The following TBCK variants were observed in gnomAD, a reference collection of about 807,000 sequenced individuals.
The protein encoded by TBCK is TBC1 domain containing kinase, also known as TBC domain-containing protein kinase-like protein.
Under a neutral mutation model 113.4 loss-of-function variants are expected in TBCK, and 99 were observed. The observed-to-expected ratio is 0.87, with a 90% CI of 0.74 to 1.03. TBCK has a LOEUF of 1.03. Ranked by LOEUF, TBCK falls within the 50% of genes least tolerant of loss-of-function variation. TBCK has a pLI of 0.00. For synonymous variants in TBCK, 369 were observed against 370.8 expected (o/e 1.00, Z 0.05); for missense variants, 1,045 against 1,061.3 (o/e 0.98, Z 0.21).
intron 3 of TBCK, among the ~76,000 whole-genome samples, chr4:106,288,380 C>T (rs1765338013): frequency 6.6e-6 from 1 of 151,388 alleles, no homozygotes; most frequent in East Asian, 1.9e-4. Flanking sequence ...GGCGACAAAG[C>T]GAGACTCCGT....
At chr4:106,232,779 T>C (rs1015629598) in intron 17 of TBCK, among the ~76,000 whole-genome samples, 159 bp downstream of exon 17, 2 of 152,076 alleles carry the variant, frequency 1.3e-5, no homozygotes, top group Non-Finnish European at 2.9e-5. Context: ...CAAAGATTTT[T>C]AAAAATGTTT....
In TBCK at chr4:106,101,705, G is replaced by C. The variant is rs187092355; in HGVS notation, c.2412-6064C>G. Among the ~76,000 whole-genome samples, 3 of 152,090 alleles carry C rather than the reference G, an allele frequency of 2.0e-5. No individual in the cohort carries two copies. In the East Asian group the frequency reaches 5.8e-4, roughly 29 times the overall value. The stretch of plus-strand genomic sequence containing the variant: ...AGTTTTACAAGTAAAGCTCAGCCTT[G>C]AGCAAAAACTCAGCCTTGATTTCAA... On this transcript the variant is annotated intron_variant, in intron 24 of 25. Transcript: ENST00000394708.
intron 20 of TBCK, among the ~76,000 whole-genome samples, chr4:106,209,335 A>G (rs1459530210): frequency 6.6e-6 from 1 of 152,168 alleles, no homozygotes; most frequent in Non-Finnish European, 1.5e-5. Flanking sequence ...AGATTTAACA[A>G]GCATTAACAT....
chr4:106,287,082 G>A (rs941085125), intron 3 of TBCK, among the ~76,000 whole-genome samples: 5 of 152,094 alleles, frequency 3.3e-5, no homozygotes, highest in Non-Finnish European at 7.4e-5. Context: ...CTCTCTTTGT[G>A]GCTTATGGGG....
intron 20 of TBCK, among the ~76,000 whole-genome samples, chr4:106,202,226 A>G (rs1467965100): frequency 6.6e-6 from 1 of 152,010 alleles, no homozygotes; most frequent in African/African-American, 2.4e-5. Flanking sequence ...AAATAAAAAG[A>G]ATAGACTCCT....
chr4:106,231,847 T>G (rs1306493127), intron 17 of TBCK, 68 bp from the exon 18 acceptor site: 13 of 1,358,542 alleles, frequency 9.6e-6, no homozygotes, highest in Non-Finnish European at 1.3e-5. Context: ...GATATATACC[T>G]TATTCAATTC....
intron 25 of TBCK, among the ~76,000 whole-genome samples, chr4:106,066,508 A>T (rs1289940296): frequency 6.6e-6 from 1 of 152,014 alleles, no homozygotes; most frequent in Admixed American, 6.6e-5. Flanking sequence ...ACCTTATTTG[A>T]AAAAATTGAG....
rs1353748474 is a variant in TBCK at position 106,167,145 on chromosome 4, GAGAACTATATATAT to G, written c.2235+3936_2235+3949del. Among the ~76,000 whole-genome samples the G allele has an allele frequency of 2.9e-4, 43 of 146,710 alleles. 1 individual carries two copies. Among genetic ancestry groups the G allele is most frequent in the Middle Eastern group, 3.6e-3 (1 of 276 alleles). ...ATATATATATATAGAGAGAGAGAGA[GAGAACTATATATAT>G]AGAACTGTATATATAGAACTGTATA... On this transcript the variant is annotated intron_variant, in intron 23 of 25. Coordinates refer to ENST00000394708, the MANE Select transcript of TBCK (RefSeq NM_001163435.3).
At chr4:106,110,828 CA>C (rs1742761490) in intron 24 of TBCK, among the ~76,000 whole-genome samples, 1 of 152,000 alleles carries the variant, frequency 6.6e-6, no homozygotes, top group South Asian at 2.1e-4. Flanking sequence ...GAAAAAATAA[CA>C]AAGAGGAAAT....
chr4:106,149,130 T>C (rs759728615), intron 23 of TBCK, among the ~76,000 whole-genome samples: 2 of 152,224 alleles, frequency 1.3e-5, no homozygotes, highest in Admixed American at 6.5e-5. Context: ...CAAAGAGAGT[T>C]AGGGCTTTGC....
At chr4:106,054,744 T>C (rs1435590673) in intron 25 of TBCK, among the ~76,000 whole-genome samples, 1 of 151,694 alleles carries the variant, frequency 6.6e-6, no homozygotes, top group East Asian at 1.9e-4. Flanking sequence ...TGTCAGGCAC[T>C]ATGCTAGGGA....
Position 106,244,716 on chromosome 4 carries a change from T to A in TBCK, c.980A>T (p.Tyr327Phe). Reference protein sequence around the residue: ...LAERSIEEVYYLWCLAGGDLE... With the variant: ...LAERSIEEVYFLWCLAGGDLE... ...GTCACCTCCAGCCAAACACCAAAGG[T>A]AATACACTTCTTCAATAGATCTTTC... The change falls in exon 11 of 26, where the codon TAC becomes TTC. Residue 327 changes from tyrosine to phenylalanine, a missense_variant. By Grantham distance (22) the Tyr-to-Phe change is conservative (BLOSUM62 3). Transcript: ENST00000394708. 6.2e-7 allele frequency: 1 copy of A among 1,605,492 alleles called. No homozygotes were observed.
chr4:106,297,314 T>A (rs951932188), intron 2 of TBCK, among the ~76,000 whole-genome samples: 5 of 152,172 alleles, frequency 3.3e-5, no homozygotes, highest in African/African-American at 1.2e-4. Context: ...TTAAAGTCTG[T>A]CCCCTTTAAT....
At chr4:106,260,998 T>C (rs796813121) in intron 4 of TBCK, among the ~76,000 whole-genome samples, 6 of 152,030 alleles carry the variant, frequency 3.9e-5, no homozygotes, top group Middle Eastern at 3.2e-3. Flanking sequence ...GTGAATCTGC[T>C]AGATTTTCAA....
At chr4:106,205,321 C>A (rs1279198089) in intron 20 of TBCK, among the ~76,000 whole-genome samples, 1 of 151,998 alleles carries the variant, frequency 6.6e-6, no homozygotes, top group African/African-American at 2.4e-5. Context: ...ATGACAAATT[C>A]ATGACACTAC....
chr4:106,223,858 A>G (rs1757959607), intron 19 of TBCK, among the ~76,000 whole-genome samples: 1 of 152,138 alleles, frequency 6.6e-6, no homozygotes, highest in African/African-American at 2.4e-5. Context: ...TATGGCTGAA[A>G]TGCTAATCAA....
intron 23 of TBCK, among the ~76,000 whole-genome samples, chr4:106,120,466 A>C (rs1249315530): frequency 3.3e-5 from 5 of 152,192 alleles, no homozygotes; most frequent in Admixed American, 1.3e-4. Context: ...AGCCCACCAC[A>C]GCTCAAGGAG....
chr4:106,194,790 A>C, intron 20 of TBCK, 36 bp from the exon 21 acceptor site: 1 of 1,514,976 alleles, frequency 6.6e-7, no homozygotes, highest in Non-Finnish European at 8.9e-7. Flanking sequence ...GAATGGATAA[A>C]AAGGAAATAA....
chr4:106,055,648 A>G (rs1735302076), intron 25 of TBCK, among the ~76,000 whole-genome samples: 1 of 150,886 alleles, frequency 6.6e-6, no homozygotes. Flanking sequence ...GTTCCCTTTG[A>G]TCTTATTTTC....
Sources: gnomAD v4.1 joint callset for allele counts (sites outside exome capture counted in the v4.1 genomes callset) on GRCh38, gnomAD v4.1.1 for gene constraint, MANE v1.5 for transcripts, NCBI Gene and HGNC (gene_info 2026-07-23, HGNC 2026-07-21) for gene names.